OSBPL8: variants seen among roughly 807,000 people sequenced by gnomAD.
OSBPL8 encodes the protein oxysterol binding protein like 8.
Under a neutral mutation model 125.5 loss-of-function variants are expected in OSBPL8, and 59 were observed. The ratio of observed to expected loss-of-function variants is 0.47; its 90% CI spans 0.38 to 0.58. The LOEUF is 0.58. OSBPL8 is among the 20% of genes least tolerant of loss of function. The pLI is 0.00. For synonymous variants in OSBPL8, 330 were observed against 338.9 expected (o/e 0.97, Z 0.29); for missense variants, 758 against 1,047.8 (o/e 0.72, Z 3.82).
intron 4 of OSBPL8, among the ~76,000 whole-genome samples, chr12:76,429,567 T>C (rs1477798807): frequency 6.6e-6 from 1 of 152,180 alleles, no homozygotes; most frequent in Non-Finnish European, 1.5e-5. Context: ...TGTACTAAAC[T>C]AATAGTACTT....
Position 76,355,996 on chromosome 12 carries a change from A to C in OSBPL8, c.2563T>G (p.Leu855Val). Residue 855 changes from leucine (L) to valine (V), a missense_variant, in exon 24 of 24, where the codon TTA (leucine) becomes GTA (valine). Around this residue, in one of 3 missense-constraint regions of OSBPL8, gnomAD observed 572 missense variants for 762.0 expected, o/e 0.75. Coordinates refer to ENST00000261183, the MANE Select transcript of OSBPL8 (RefSeq NM_020841.5). Reference protein sequence around the residue: ...KRNIMALRNHLVSSTPATDYF... With the variant: ...KRNIMALRNHVVSSTPATDYF... ...TCCGTGGCCGGTGTGCTTGAAACTA[A>C]ATGATTTCGAAGAGCCATAATATTT... 1 of 1,611,822 alleles carries C rather than the reference A, an allele frequency of 6.2e-7. No homozygotes were observed. Among genetic ancestry groups the C allele is most frequent in the South Asian group, 1.1e-5 (1 of 90,540 alleles).
chr12:76,385,026 G>C (rs902894201), intron 14 of OSBPL8, among the ~76,000 whole-genome samples: 2 of 151,978 alleles, frequency 1.3e-5, no homozygotes, highest in Non-Finnish European at 2.9e-5. Flanking sequence ...ATGACTATAG[G>C]AAACAAAAAC....
intron 1 of OSBPL8, among the ~76,000 whole-genome samples, chr12:76,531,681 CTTGAAGGTATAGTAATTGTTTAGTT>C (rs1950342527): frequency 6.6e-6 from 1 of 152,020 alleles, no homozygotes; most frequent in African/African-American, 2.4e-5. Context: ...ATCCAGTAGT[CTTGAAGGTATAGTAATTGTTTAGTT>C]TTGAAGGTAT....
chr12:76,492,649 G>C (rs1878844015), intron 1 of OSBPL8, among the ~76,000 whole-genome samples: 1 of 152,158 alleles, frequency 6.6e-6, no homozygotes, highest in Non-Finnish European at 1.5e-5. Flanking sequence ...TGCACACGAA[G>C]AATCTAGGTT....
chr12:76,373,486 A>G, intron 17 of OSBPL8, 53 bp from the exon 18 acceptor site: 1 of 1,342,446 alleles, frequency 7.4e-7, no homozygotes, highest in Non-Finnish European at 1.0e-6. Context: ...ATTTACATAT[A>G]ATGTAAAACC....
At chr12:76,479,027 C>T (rs1877151152) in intron 2 of OSBPL8, among the ~76,000 whole-genome samples, 1 of 152,166 alleles carries the variant, frequency 6.6e-6, no homozygotes, top group Non-Finnish European at 1.5e-5. Context: ...TGCCACTGCA[C>T]TCCAGCCTGG....
intron 4 of OSBPL8, among the ~76,000 whole-genome samples, chr12:76,421,983 T>C (rs1390962666): frequency 6.6e-6 from 1 of 151,984 alleles, no homozygotes; most frequent in Admixed American, 6.6e-5. Context: ...TCAAAAACTA[T>C]ACTTGAGTAG....
chr12:76,501,094 T>TAC (rs113039903), intron 1 of OSBPL8, among the ~76,000 whole-genome samples: 24,291 of 150,982 alleles, frequency 0.16, 1,934 homozygotes, highest in Non-Finnish European at 0.18. Flanking sequence ...TGTGTATCTT[T>TAC]ACACACACAC....
At chr12:76,376,159 A>C (rs1237797215) in intron 16 of OSBPL8, among the ~76,000 whole-genome samples, 1 of 152,240 alleles carries the variant, frequency 6.6e-6, no homozygotes, top group Non-Finnish European at 1.5e-5. Flanking sequence ...TTTATGTAAC[A>C]TAACTACTGC....
intron 1 of OSBPL8, among the ~76,000 whole-genome samples, chr12:76,497,924 T>C (rs1048702943): frequency 6.6e-6 from 1 of 152,232 alleles, no homozygotes; most frequent in African/African-American, 2.4e-5. Context: ...TTATATAGAT[T>C]GTTTTTGTTG....
chr12:76,385,286 C>T (rs995417041), intron 14 of OSBPL8, among the ~76,000 whole-genome samples: 2 of 152,208 alleles, frequency 1.3e-5, no homozygotes, highest in African/African-American at 4.8e-5. Context: ...GTGAGAATTA[C>T]CATAATAAGG....
intron 15 of OSBPL8, among the ~76,000 whole-genome samples, chr12:76,383,073 C>T (rs1046177100): frequency 9.9e-5 from 15 of 151,984 alleles, no homozygotes; most frequent in South Asian, 4.1e-4. Context: ...CCAATTCTGA[C>T]GATCTTAAAT....
At chr12:76,494,492 T>TAGAAGAGAGAATATGATACAAGAATGA (rs1879070532) in intron 1 of OSBPL8, among the ~76,000 whole-genome samples, 2 of 152,176 alleles carry the variant, frequency 1.3e-5, no homozygotes, top group African/African-American at 4.8e-5. Flanking sequence ...TGCATTAATC[T>TAGAAGAGAGAATATGATACAAGAATGA]AGAAGAGAGA....
chr12:76,439,528 G>A (rs1234912431), intron 4 of OSBPL8, among the ~76,000 whole-genome samples: 1 of 152,130 alleles, frequency 6.6e-6, no homozygotes, highest in Non-Finnish European at 1.5e-5. Flanking sequence ...GTATGTGCTT[G>A]GGGGGAGAGT....
chr12:76,426,907 C>T (rs1374241416), intron 4 of OSBPL8, among the ~76,000 whole-genome samples: 2 of 152,096 alleles, frequency 1.3e-5, no homozygotes, highest in Non-Finnish European at 2.9e-5. Flanking sequence ...TGTTAGCCAC[C>T]TGTTACCACT....
rs1378737086 is a variant in OSBPL8 at position 76,355,742 on chromosome 12, T to C, written c.*147A>G. The C allele has an allele frequency of 6.5e-6, 5 of 768,720 alleles. No individual in the cohort carries two copies. The highest frequency in any genetic ancestry group is 1.8e-5 in the African/African-American group (1 of 56,152). 47.6% of individuals were successfully genotyped at this position (768,720 alleles called of 1,614,324 possible). On this transcript the variant is annotated 3_prime_UTR_variant, in exon 24 of 24. Transcript: ENST00000261183. ...CTTGTTTCAGTGTGAAGATAAAAGA[T>C]ACGAAAAGTCAATACCTCTACATTT...
At chr12:76,512,339 G>A (rs1386945607) in intron 1 of OSBPL8, among the ~76,000 whole-genome samples, 2 of 152,182 alleles carry the variant, frequency 1.3e-5, no homozygotes, top group African/African-American at 2.4e-5. Context: ...ATTCCATGGT[G>A]TATATGTACA....
intron 2 of OSBPL8, among the ~76,000 whole-genome samples, chr12:76,473,655 T>C (rs1179987092): frequency 6.6e-6 from 1 of 152,216 alleles, no homozygotes; most frequent in Non-Finnish European, 1.5e-5. Context: ...GCCATGCTGA[T>C]ATTCCTAAAC....
intron 2 of OSBPL8, among the ~76,000 whole-genome samples, chr12:76,478,531 C>A (rs17042308): frequency 0.043 from 6,512 of 152,066 alleles, 500 homozygotes; most frequent in African/African-American, 0.15. Context: ...CTAACGCTTT[C>A]TCCAATGAGG....
Sources: allele counts gnomAD v4.1 joint callset (sites outside exome capture counted in the v4.1 genomes callset), GRCh38; gene constraint gnomAD v4.1.1; regional missense constraint gnomAD v4.1.1; transcripts MANE v1.5; gene names NCBI Gene and HGNC (gene_info 2026-07-23, HGNC 2026-07-21).